Variants in GALNT18 observed in about 807,000 individuals in gnomAD.
GALNT18 encodes the protein polypeptide N-acetylgalactosaminyltransferase 18.
GALNT18 carries 44 observed loss-of-function variants against 69.5 expected under a neutral mutation model. That is an observed-to-expected ratio of 0.63 (90% confidence interval 0.50 to 0.81). The LOEUF is 0.81. Ranked by LOEUF, GALNT18 falls within the 40% of genes least tolerant of loss-of-function variation. GALNT18 has a pLI of 0.00. For missense variants in GALNT18, 715 were observed against 810.0 expected, an observed-to-expected ratio of 0.88 and a Z score of 1.42; for synonymous variants, 364 against 318.2, an observed-to-expected ratio of 1.14 and a Z score of -1.53.
chr11:11,448,438 T>C (rs545020327), intron 2 of GALNT18, among the ~76,000 whole-genome samples: 1 of 152,376 alleles, frequency 6.6e-6, no homozygotes, highest in East Asian at 1.9e-4. Context: ...ATGCAACTAA[T>C]TGGGTTAAAA....
intron 3 of GALNT18, among the ~76,000 whole-genome samples, chr11:11,424,272 G>A (rs903960758): frequency 1.3e-5 from 2 of 152,328 alleles, no homozygotes; most frequent in Non-Finnish European, 2.9e-5. Context: ...GGGTGGGCTG[G>A]CTGTCAGGAG....
At chr11:11,362,096 A>G (rs1850656860) in intron 6 of GALNT18, among the ~76,000 whole-genome samples, 1 of 152,214 alleles carries the variant, frequency 6.6e-6, no homozygotes, top group Non-Finnish European at 1.5e-5. Flanking sequence ...TATTTTGAAT[A>G]GAAGGTGTTA....
chr11:11,440,133 C>T (rs1855503746), intron 2 of GALNT18, among the ~76,000 whole-genome samples: 1 of 152,234 alleles, frequency 6.6e-6, no homozygotes, highest in Non-Finnish European at 1.5e-5. Flanking sequence ...GTTCAACCAT[C>T]ATCCTTTCAG....
At chr11:11,503,587 G>A (rs1025442078) in intron 1 of GALNT18, among the ~76,000 whole-genome samples, 3 of 152,152 alleles carry the variant, frequency 2.0e-5, no homozygotes, top group South Asian at 2.1e-4. Flanking sequence ...GTGTTCAGCC[G>A]CTAATAAAGT....
chr11:11,410,670 A>G lies in GALNT18; in HGVS notation c.595+21951T>C, dbSNP rs765591857. On this transcript the variant is annotated intron_variant, in intron 3 of 10. Coordinates refer to ENST00000227756, the MANE Select transcript of GALNT18 (RefSeq NM_198516.3). ...GAAAGTCTGCTTTGCTTTGCTGCAG[A>G]TAATATGCACACTAAGAGGCATTTT... is the stretch of plus-strand genomic sequence containing the variant. Among the ~76,000 whole-genome samples, 27 of 152,156 alleles carry G rather than the reference A, an allele frequency of 1.8e-4. 1 individual carries two copies. Among genetic ancestry groups the G allele is most frequent in the Non-Finnish European group, 5.9e-5 (4 of 68,032 alleles).
rs1313348193 is a variant in GALNT18, at chr11:11,377,223, G to C, written c.936C>G (p.Pro312=). The C allele has an allele frequency of 1.2e-6, 2 of 1,613,508 alleles. No individual in the cohort carries two copies. The highest frequency in any genetic ancestry group is 1.7e-6 in the Non-Finnish European group (2 of 1,180,012). Reference sequence around the variant, plus strand: ...AGTTCTCCAGCTTCCACCAGGCCTTGGGGGGATTTAGGTAGCGGCACCACA... The same window carrying C: ...AGTTCTCCAGCTTCCACCAGGCCTTCGGGGGATTTAGGTAGCGGCACCACA... The part of the protein sequence containing the change: ...WELWCRYLNP[P]KAWWKLENST... The change falls in exon 5 of 11, where the codon CCC becomes CCG. Residue 312 remains proline (P), a synonymous_variant. Transcript: ENST00000227756. This position sits in a 1 kb window ranked among gnomAD's most constrained non-coding sequence, Gnocchi z 4.6.
At position 11,551,872 on chromosome 11, in the gene GALNT18, G is replaced by A. The variant is rs574115220; in HGVS notation, c.235+69487C>T. On this transcript the variant is annotated intron_variant, in intron 1 of 10. Transcript: ENST00000227756. ...TAGGAGCAATGTTCTGCGAGCAGGG[G>A]GTGGATCTCACAAAGTACATTCTCC... Among the ~76,000 whole-genome samples, 17 of 152,216 alleles carry A rather than the reference G, an allele frequency of 1.1e-4. No individual in the cohort carries two copies. In the South Asian group the frequency reaches 3.5e-3, roughly 32 times the overall value.
chr11:11,325,106 G>A (rs1241687310), intron 9 of GALNT18, among the ~76,000 whole-genome samples: 2 of 152,210 alleles, frequency 1.3e-5, no homozygotes, highest in Non-Finnish European at 2.9e-5. Flanking sequence ...GAACCAACCT[G>A]AGTGCCCATC....
rs922799128 is a variant in GALNT18 at position 11,377,415 on chromosome 11, T to C, written c.780-36A>G. On this transcript the variant is annotated intron_variant, in intron 4 of 10. Transcript: ENST00000227756. The surrounding 1 kb of genome is among the most constrained non-coding windows in gnomAD (Gnocchi z 4.6). ...AGGAGACAGCCAGAGAGGGTAACCA[T>C]TTCCAAGGTGGAAAAATCCAGAGTA... 6.2e-7 allele frequency: 1 copy of C among 1,600,726 alleles called. No individual in the cohort carries two copies. The highest frequency in any genetic ancestry group is 8.6e-7 in the Non-Finnish European group (1 of 1,169,236).
intron 1 of GALNT18, among the ~76,000 whole-genome samples, chr11:11,585,102 C>G (rs1352928134): frequency 6.6e-6 from 1 of 152,132 alleles, no homozygotes; most frequent in East Asian, 1.9e-4. Flanking sequence ...CTTATCCTTT[C>G]CAAATGACTA....
chr11:11,547,799 G>C (rs1858096010), intron 1 of GALNT18, among the ~76,000 whole-genome samples: 1 of 152,106 alleles, frequency 6.6e-6, no homozygotes, highest in Non-Finnish European at 1.5e-5. Context: ...TTCATTCCAT[G>C]CTTCCTTAGG....
At chr11:11,422,456 G>C (rs900284820) in intron 3 of GALNT18, among the ~76,000 whole-genome samples, 1 of 152,244 alleles carries the variant, frequency 6.6e-6, no homozygotes, top group African/African-American at 2.4e-5. Context: ...GGCAGGCAGT[G>C]GCAAAGAGCC....
rs1853911205 is a variant in GALNT18, at chr11:11,381,272, G to A, written c.596-2008C>T. Among the ~76,000 whole-genome samples, 3 of 152,138 alleles carry A rather than the reference G, an allele frequency of 2.0e-5. No homozygotes were observed. In the South Asian group the frequency reaches 6.2e-4, roughly 32 times the overall value. On this transcript the variant is annotated intron_variant, in intron 3 of 10. Transcript: ENST00000227756. Reference sequence around the variant, plus strand: ...GAAAAATTTAAATAGAGCTCATAAAGTCTGATATCTGGGTTTTTGATGGTG... The same window carrying A: ...GAAAAATTTAAATAGAGCTCATAAAATCTGATATCTGGGTTTTTGATGGTG...
intron 3 of GALNT18, among the ~76,000 whole-genome samples, chr11:11,384,713 C>T (rs1414672446): frequency 6.6e-6 from 1 of 152,166 alleles, no homozygotes; most frequent in Non-Finnish European, 1.5e-5. Context: ...GGAAGAGGGC[C>T]CTCACCAGGA....
At chr11:11,343,326 G>A (rs1368020371) in intron 6 of GALNT18, among the ~76,000 whole-genome samples, 1 of 151,898 alleles carries the variant, frequency 6.6e-6, no homozygotes, top group Non-Finnish European at 1.5e-5. Context: ...CTCCAGCCTA[G>A]GCAACAGAGT....
At chr11:11,545,306 C>A (rs112840907) in intron 1 of GALNT18, among the ~76,000 whole-genome samples, 3 of 152,228 alleles carry the variant, frequency 2.0e-5, no homozygotes, top group African/African-American at 7.2e-5. Context: ...ACAACCGAAA[C>A]CAGTCTTAGC....
chr11:11,384,505 C>T (rs903284682), intron 3 of GALNT18, among the ~76,000 whole-genome samples: 1 of 152,124 alleles, frequency 6.6e-6, no homozygotes, highest in Non-Finnish European at 1.5e-5. Context: ...AAGGAAGCAG[C>T]CCTCATGACT....
intron 3 of GALNT18, among the ~76,000 whole-genome samples, chr11:11,411,629 T>C (rs184233851): frequency 3.9e-5 from 6 of 152,374 alleles, no homozygotes; most frequent in Admixed American, 3.3e-4. Context: ...AGCCTGGAAC[T>C]GCTCACATTA....
chr11:11,322,943 C>G (rs772934134), intron 9 of GALNT18, among the ~76,000 whole-genome samples: 1 of 149,606 alleles, frequency 6.7e-6, no homozygotes, highest in South Asian at 2.1e-4. Flanking sequence ...AGCTAGTGAT[C>G]AGGCTCTTTG....
Sources: gnomAD v4.1 joint callset for allele counts (sites outside exome capture counted in the v4.1 genomes callset) on GRCh38, gnomAD v4.1.1 for gene constraint, Gnocchi (gnomAD v3.1) non-coding constraint, MANE v1.5 for transcripts, NCBI Gene and HGNC (gene_info 2026-07-23, HGNC 2026-07-21) for gene names.